NXPE2: variants seen among roughly 807,000 people sequenced by gnomAD.
The protein encoded by NXPE2 is neurexophilin and PC-esterase domain family member 2.
NXPE2 carries 34 observed loss-of-function variants against 34.4 expected under a neutral mutation model. That is an observed-to-expected ratio of 0.99 (90% CI 0.75 to 1.31). The LOEUF is 1.31. NXPE2 is among the 40% of genes most tolerant of loss of function. The pLI is 0.00. For synonymous variants in NXPE2, 235 were observed against 231.3 expected, an observed-to-expected ratio of 1.02 and a Z score of -0.15; for missense variants, 649 against 672.5, an observed-to-expected ratio of 0.97 and a Z score of 0.39.
At chr11:114,587,504 C>G in the NXPE2 span, among the ~76,000 whole-genome samples, 2 of 152,234 alleles carry the variant, frequency 1.3e-5, no homozygotes. Flanking sequence ...TCACACAAGT[C>G]TAGAAAGTCA....
At chr11:114,618,989 G>T in the NXPE2 span, among the ~76,000 whole-genome samples, 2 of 151,518 alleles carry the variant, frequency 1.3e-5, no homozygotes, top group African/African-American at 4.8e-5. Context: ...GTGGATAATA[G>T]GTATTGCTTC....
the NXPE2 span, among the ~76,000 whole-genome samples, chr11:114,625,612 T>A: frequency 6.6e-6 from 1 of 152,182 alleles, no homozygotes; most frequent in African/African-American, 2.4e-5. Context: ...ATAATAAATA[T>A]TGCCTCGTGG....
At chr11:114,522,115 A>G in the NXPE2 span, 2 of 1,614,126 alleles carry the variant, frequency 1.2e-6, no homozygotes, top group Non-Finnish European at 1.7e-6. Flanking sequence ...TCATGATAAG[A>G]TAGTGAATAT....
the NXPE2 span, chr11:114,582,459 C>T: frequency 6.2e-7 from 1 of 1,614,156 alleles, no homozygotes; most frequent in Non-Finnish European, 8.5e-7. Context: ...TAGGATCAGG[C>T]CACATTCAGA....
chr11:114,547,417 A>G, the NXPE2 span, among the ~76,000 whole-genome samples: 12 of 152,348 alleles, frequency 7.9e-5, no homozygotes, highest in East Asian at 7.7e-4. Context: ...AAAAACAAGG[A>G]AAGTCTAAAG....
At chr11:114,782,592 G>A in the NXPE2 span, among the ~76,000 whole-genome samples, 1 of 152,180 alleles carries the variant, frequency 6.6e-6, no homozygotes, top group Non-Finnish European at 1.5e-5. Flanking sequence ...TTACAGACAA[G>A]GAAACTGAAG....
At chr11:114,546,353 A>G in the NXPE2 span, among the ~76,000 whole-genome samples, 1 of 152,196 alleles carries the variant, frequency 6.6e-6, no homozygotes, top group Non-Finnish European at 1.5e-5. Context: ...TAGATGAGAG[A>G]AATATCAGTA....
the NXPE2 span, among the ~76,000 whole-genome samples, chr11:114,771,241 C>G: frequency 6.6e-6 from 1 of 151,436 alleles, no homozygotes; most frequent in Admixed American, 6.6e-5. Flanking sequence ...CTCTCCACTC[C>G]CAGAAACTTT....
chr11:114,622,183 C>T, the NXPE2 span, among the ~76,000 whole-genome samples: 2 of 104,186 alleles, frequency 1.9e-5, no homozygotes, highest in Non-Finnish European at 2.4e-5. Context: ...AGTATTGCCT[C>T]GTGGGTAACC....
At chr11:114,695,731 G>A (rs187408184) in intron 2 of NXPE2, among the ~76,000 whole-genome samples, 2 of 152,140 alleles carry the variant, frequency 1.3e-5, no homozygotes, top group Non-Finnish European at 2.9e-5. Context: ...AGTGGCTAAC[G>A]CCTGTAATCC....
chr11:114,677,980 A>T (rs1950877373), upstream of NXPE2, among the ~76,000 whole-genome samples: 1 of 152,088 alleles, frequency 6.6e-6, no homozygotes, highest in Non-Finnish European at 1.5e-5. Context: ...TTCAAGTTGC[A>T]GTGAGATTTA....
At chr11:114,656,750 T>C in the NXPE2 span, among the ~76,000 whole-genome samples, 1 of 152,138 alleles carries the variant, frequency 6.6e-6, no homozygotes, top group Non-Finnish European at 1.5e-5. Flanking sequence ...GTAATATACT[T>C]AATACAGTAC....
the NXPE2 span, among the ~76,000 whole-genome samples, chr11:114,745,668 G>GT: frequency 2.0e-5 from 3 of 151,796 alleles, no homozygotes; most frequent in African/African-American, 4.8e-5. Flanking sequence ...TTTACATCTC[G>GT]TAAGTATGAA....
At chr11:114,786,763 C>A in the NXPE2 span, among the ~76,000 whole-genome samples, 1 of 152,052 alleles carries the variant, frequency 6.6e-6, no homozygotes, top group African/African-American at 2.4e-5. Context: ...CCACACCTAC[C>A]CCTCACATCC....
At chr11:114,708,636 A>AAAAAGAAAAGAAAAGAAAAG (rs369604933), downstream of NXPE2, among the ~76,000 whole-genome samples, 275 of 148,506 alleles carry the variant, frequency 1.9e-3, 1 homozygote, top group African/African-American at 6.5e-3. Context: ...TCTCAAAAAA[A>AAAAAGAAAAGAAAAGAAAAG]AAAAGAAAAG....
the NXPE2 span, among the ~76,000 whole-genome samples, chr11:114,633,012 A>G: frequency 2.8e-5 from 3 of 106,770 alleles, no homozygotes; most frequent in African/African-American, 7.8e-5. Context: ...AATATATATT[A>G]TATAATATAT....
chr11:114,673,168 GA>G, the NXPE2 span, among the ~76,000 whole-genome samples: 1 of 150,412 alleles, frequency 6.6e-6, no homozygotes, highest in South Asian at 2.1e-4. Flanking sequence ...AATTGGTAAT[GA>G]AAATAAATTT....
the NXPE2 span, among the ~76,000 whole-genome samples, chr11:114,477,513 G>C: frequency 1.5e-4 from 23 of 151,830 alleles, no homozygotes; most frequent in African/African-American, 5.1e-4. Flanking sequence ...AAAATGGTGG[G>C]GGTACAAAGA....
chr11:114,745,965 A>G, the NXPE2 span, among the ~76,000 whole-genome samples: 1 of 152,102 alleles, frequency 6.6e-6, no homozygotes, highest in Admixed American at 6.6e-5. Context: ...AAATTGTAAT[A>G]CTCATATTTA....
Sources: allele counts gnomAD v4.1 joint callset (sites outside exome capture counted in the v4.1 genomes callset), GRCh38; gene constraint gnomAD v4.1.1; transcripts MANE v1.5; gene names NCBI Gene and HGNC (gene_info 2026-07-23, HGNC 2026-07-21).